Variants in GPC6 observed in about 807,000 individuals in gnomAD.
The protein encoded by GPC6 is glypican-6.
Under a neutral mutation model 55.2 loss-of-function variants are expected in GPC6, and 14 were observed. The observed-to-expected ratio is 0.25, with a 90% CI of 0.17 to 0.40. The LOEUF (loss-of-function observed/expected upper bound fraction) is 0.40. Ranked by LOEUF, GPC6 falls within the 10% of genes least tolerant of loss-of-function variation. The pLI is 1.00. For synonymous variants in GPC6, 278 were observed against 259.6 expected (o/e 1.07, Z -0.68); for missense variants, 641 against 708.5 (o/e 0.90, Z 1.08).
At chr13:93,277,345 A>G (rs2139062543) in intron 1 of GPC6, among the ~76,000 whole-genome samples, 1 of 152,342 alleles carries the variant, frequency 6.6e-6, no homozygotes, top group East Asian at 1.9e-4. Flanking sequence ...AATATCTGCC[A>G]ACCTAATTAA....
At chr13:93,489,953 C>A (rs1033418780) in intron 1 of GPC6, among the ~76,000 whole-genome samples, 2 of 151,330 alleles carry the variant, frequency 1.3e-5, no homozygotes, top group Non-Finnish European at 2.9e-5. Flanking sequence ...ATTGAATACC[C>A]TTTATTTTTT....
intron 4 of GPC6, among the ~76,000 whole-genome samples, chr13:94,091,988 A>G (rs1885500033): frequency 6.6e-6 from 1 of 151,322 alleles, no homozygotes; most frequent in Admixed American, 6.6e-5. Flanking sequence ...ATTGAGATAT[A>G]ATTGAAAAAA....
chr13:93,532,926 T>C (rs1349424861), intron 1 of GPC6, among the ~76,000 whole-genome samples: 1 of 152,202 alleles, frequency 6.6e-6, no homozygotes, highest in Non-Finnish European at 1.5e-5. Context: ...AAAGTTTTTA[T>C]CAGGAAATTG....
upstream of GPC6, chr13:93,226,789 C>G (rs1285359334): frequency 6.6e-6 from 1 of 152,200 alleles, no homozygotes; most frequent in Non-Finnish European, 1.5e-5. Context: ...ATGTGTAGCA[C>G]GTTTCTTTCT....
intron 4 of GPC6, among the ~76,000 whole-genome samples, chr13:94,260,399 A>G (rs1344283936): frequency 6.6e-6 from 1 of 152,186 alleles, no homozygotes; most frequent in Non-Finnish European, 1.5e-5. Flanking sequence ...ACAGTTCTGG[A>G]GTCTGCAAGT....
At chr13:93,764,490 T>G (rs1885048030) in intron 2 of GPC6, among the ~76,000 whole-genome samples, 1 of 152,204 alleles carries the variant, frequency 6.6e-6, no homozygotes, top group East Asian at 1.9e-4. Flanking sequence ...GTGCCACAGA[T>G]GGACCACCAA....
intron 2 of GPC6, among the ~76,000 whole-genome samples, chr13:93,685,580 TCTATTTCATGTGCTTG>T (rs1335224570): frequency 6.6e-6 from 1 of 152,210 alleles, no homozygotes; most frequent in Non-Finnish European, 1.5e-5. Context: ...AACACATTAC[TCTATTTCATGTGCTTG>T]AAATTTTATT....
At chr13:93,906,409 T>C (rs59841938) in intron 3 of GPC6, among the ~76,000 whole-genome samples, 398 of 152,268 alleles carry the variant, frequency 2.6e-3, no homozygotes, top group African/African-American at 9.0e-3. Context: ...CAAATGATAA[T>C]GCTGAAATAA....
At chr13:94,234,653 A>G (rs17791804) in intron 4 of GPC6, among the ~76,000 whole-genome samples, 1,619 of 152,156 alleles carry the variant, frequency 0.011, 9 homozygotes, top group Admixed American at 0.016. Flanking sequence ...TTTATGAACT[A>G]TGGAATAAAA....
At chr13:93,970,026 C>T (rs1033639944) in intron 3 of GPC6, among the ~76,000 whole-genome samples, 1 of 152,160 alleles carries the variant, frequency 6.6e-6, no homozygotes, top group African/African-American at 2.4e-5. Flanking sequence ...TATGGCCATA[C>T]CATGCTGAAT....
chr13:94,115,348 G>A (rs181190286), intron 4 of GPC6, among the ~76,000 whole-genome samples: 1 of 151,916 alleles, frequency 6.6e-6, no homozygotes, highest in Non-Finnish European at 1.5e-5. Context: ...AGGGGTTGGT[G>A]GGGGGGTGTC....
intron 3 of GPC6, among the ~76,000 whole-genome samples, chr13:93,936,499 T>C (rs1184846974): frequency 1.3e-5 from 2 of 152,148 alleles, no homozygotes; most frequent in Non-Finnish European, 2.9e-5. Flanking sequence ...AACTCCATGT[T>C]AGAAATTCAA....
intron 1 of GPC6, among the ~76,000 whole-genome samples, chr13:93,543,477 A>T (rs1366107613): frequency 6.6e-6 from 1 of 151,900 alleles, no homozygotes; most frequent in East Asian, 1.9e-4. Flanking sequence ...ATATTGGTCT[A>T]AAATTCTCTT....
At chr13:93,889,663 G>A (rs762181327) in intron 3 of GPC6, among the ~76,000 whole-genome samples, 3 of 152,008 alleles carry the variant, frequency 2.0e-5, no homozygotes, top group Admixed American at 6.6e-5. Flanking sequence ...ATTTTCCATT[G>A]AGCACCTGTT....
At chr13:93,833,101 A>G (rs1566559225) in intron 3 of GPC6, among the ~76,000 whole-genome samples, 12 of 119,586 alleles carry the variant, frequency 1.0e-4, no homozygotes, top group African/African-American at 3.9e-4. Flanking sequence ...GTAGATAGGT[A>G]GATGATAGAG....
intron 4 of GPC6, among the ~76,000 whole-genome samples, chr13:94,197,764 A>G (rs570976878): frequency 6.6e-6 from 1 of 152,328 alleles, no homozygotes; most frequent in East Asian, 1.9e-4. Context: ...GCAACTTACT[A>G]TTATGCATCT....
chr13:93,654,949 G>T (rs2139603838), intron 2 of GPC6, among the ~76,000 whole-genome samples: 1 of 148,344 alleles, frequency 6.7e-6, no homozygotes, highest in Middle Eastern at 3.7e-3. Flanking sequence ...CCATTCTCCT[G>T]CCTCAGCCTC....
chr13:93,477,873 A>G (rs1226694526), intron 1 of GPC6, among the ~76,000 whole-genome samples: 4 of 152,168 alleles, frequency 2.6e-5, no homozygotes, highest in African/African-American at 4.8e-5. Context: ...GTTCATTTTA[A>G]TATAAGAACA....
chr13:93,715,488 G>A (rs1472697379), intron 2 of GPC6, among the ~76,000 whole-genome samples: 1 of 151,444 alleles, frequency 6.6e-6, no homozygotes, highest in Non-Finnish European at 1.5e-5. Flanking sequence ...AGGGAGGGAA[G>A]CAACGGTGGA....
Sources: gnomAD v4.1 joint callset for allele counts (sites outside exome capture counted in the v4.1 genomes callset) on GRCh38, gnomAD v4.1.1 for gene constraint, MANE v1.5 for transcripts, NCBI Gene and HGNC (gene_info 2026-07-23, HGNC 2026-07-21) for gene names.